The following NUP98 variants were observed in gnomAD, a reference collection of about 807,000 sequenced individuals.
NUP98 encodes nucleoporin 98 and 96 precursor.
In NUP98, 26 loss-of-function variants were observed where a neutral mutation model predicts 191.9. The ratio of observed to expected loss-of-function variants is 0.14; its 90% CI spans 0.10 to 0.19. The LOEUF (loss-of-function observed/expected upper bound fraction) is 0.19. Ranked by LOEUF, NUP98 falls within the 10% of genes least tolerant of loss-of-function variation. The pLI, the probability that NUP98 is intolerant of heterozygous loss-of-function variation, is 1.00. For synonymous variants in NUP98, 808 were observed against 778.4 expected (o/e 1.04, Z -0.63); for missense variants, 1,941 against 2,178.8 (o/e 0.89, Z 2.17).
At chr11:3,744,413 G>T in intron 12 of NUP98, 96 bp downstream of exon 12, 1 of 1,244,224 alleles carries the variant, frequency 8.0e-7, no homozygotes, top group Non-Finnish European at 1.1e-6. Flanking sequence ...TGTATGCAAT[G>T]CCTTGGTAGG....
chr11:3,693,254 C>G lies in NUP98; in HGVS notation c.4289G>C (p.Ser1430Thr). 6.2e-7 allele frequency: 1 copy of G among 1,614,152 alleles called. No homozygotes were observed. Among genetic ancestry groups the G allele is most frequent in the East Asian group, 2.2e-5 (1 of 44,882 alleles). The change falls in exon 27 of 33, where the codon AGC becomes ACC. Residue 1430 changes from serine to threonine, a missense_variant. Physicochemically the swap from Ser to Thr is moderately conservative, Grantham distance 58. Around this residue, in one of 6 missense-constraint regions of NUP98, gnomAD observed 1,030 missense variants for 1,115.8 expected, o/e 0.92. Coordinates refer to ENST00000324932, the MANE Select transcript of NUP98 (RefSeq NM_016320.5). ...TACCTGAAATGCTTCTTCATACATGCTGAGCGCCCTAGAAATGGAGGCTGT... is the reference window on the plus strand; with the variant it reads ...TACCTGAAATGCTTCTTCATACATGGTGAGCGCCCTAGAAATGGAGGCTGT... The part of the protein sequence containing the change: ...PPTASISRAL[S>T]MYEEAFQNTS...
At chr11:3,697,818 C>CT (rs1338992548) in intron 25 of NUP98, among the ~76,000 whole-genome samples, 7 of 44,852 alleles carry the variant, frequency 1.6e-4, no homozygotes, top group Non-Finnish European at 2.9e-4. Flanking sequence ...CAGACTCTGT[C>CT]TTAAAAAAAA....
chr11:3,768,615 G>T lies in NUP98; in HGVS notation c.914C>A (p.Thr305Asn). 1 of 1,609,382 alleles carries T rather than the reference G, an allele frequency of 6.2e-7. No homozygotes were observed. Among genetic ancestry groups the T allele is most frequent in the Non-Finnish European group, 8.5e-7 (1 of 1,177,772 alleles). ...GGTGCTTGGCTGTCCTATGGTGCTG[G>T]TATTACCAAAGGAAAAGCCAGTGTT... The part of the protein sequence containing the change: ...TQNTGFSFGN[T>N]STIGQPSTNT... Residue 305 changes from threonine (T) to asparagine (N), a missense_variant, in exon 8 of 33, where the codon ACC becomes AAC. By Grantham distance (65) the Thr-to-Asn change is moderately conservative. This residue lies in a region of NUP98 where 181 missense variants were observed against 228.0 expected (regional missense o/e 0.79). Transcript: ENST00000324932.
chr11:3,758,657 C>T (rs867081156), intron 10 of NUP98, among the ~76,000 whole-genome samples: 7 of 151,936 alleles, frequency 4.6e-5, no homozygotes, highest in Non-Finnish European at 1.0e-4. Context: ...TGGTGGCAGG[C>T]GCCTGTAATC....
In NUP98 at chr11:3,754,399, A is replaced by G. The variant is rs537453645; in HGVS notation, c.1175-991T>C. On this transcript the variant is annotated intron_variant, in intron 10 of 32. Coordinates refer to ENST00000324932, the MANE Select transcript of NUP98 (RefSeq NM_016320.5). ...CAAGATCGTGCCACTGCACTCTAGCATGGATAGAGTGAGACTCTGTTTCAA... is the reference window on the plus strand; with the variant it reads ...CAAGATCGTGCCACTGCACTCTAGCGTGGATAGAGTGAGACTCTGTTTCAA... Among the ~76,000 whole-genome samples the G allele has an allele frequency of 9.9e-5, 15 of 152,266 alleles. No homozygotes were observed. In the South Asian group the frequency reaches 2.9e-3, roughly 29 times the overall value.
chr11:3,702,538 G>C lies in NUP98; in HGVS notation c.3437C>G (p.Ser1146Cys), dbSNP rs1160232835. ...AATCTGATGATTTTCTAGTTCATGA[G>C]AGCCATTCAGCTGTTCTCCACTATT... Reference protein sequence around the residue: ...LANSGEQLNGSHELENHQIAD... With the variant: ...LANSGEQLNGCHELENHQIAD... The change falls in exon 23 of 33, where the codon TCT (serine) becomes TGT (cysteine). Residue 1146 changes from serine to cysteine, a missense_variant. This residue lies in a region of NUP98 where 1,030 missense variants were observed against 1,115.8 expected (regional missense o/e 0.92). Transcript: ENST00000324932. 7 of 1,614,058 alleles carry C rather than the reference G, an allele frequency of 4.3e-6. No individual in the cohort carries two copies. Among genetic ancestry groups the C allele is most frequent in the Non-Finnish European group, 4.2e-6 (5 of 1,180,022 alleles).
At chr11:3,762,234 C>G (rs1375367914) in intron 9 of NUP98, among the ~76,000 whole-genome samples, 1 of 151,264 alleles carries the variant, frequency 6.6e-6, no homozygotes, top group Admixed American at 6.6e-5. Flanking sequence ...CTCAGCATCT[C>G]AAGTAGCTGG....
intron 30 of NUP98, among the ~76,000 whole-genome samples, chr11:3,682,444 T>C (rs1482027488): frequency 6.6e-6 from 1 of 152,200 alleles, no homozygotes; most frequent in East Asian, 1.9e-4. Flanking sequence ...CTTGAACATA[T>C]TTAGAGGCCA....
chr11:3,694,383 C>T (rs756177556), intron 26 of NUP98, among the ~76,000 whole-genome samples: 12 of 150,930 alleles, frequency 8.0e-5, no homozygotes, highest in Non-Finnish European at 1.8e-4. Flanking sequence ...AAAACAACAA[C>T]AACAACAAAA....
In NUP98 at chr11:3,683,245, G is replaced by C; in HGVS notation, c.4873C>G (p.His1625Asp). Reference sequence around the variant, plus strand: ...ATGAGCTTGTGGCAGCGGTTCCAGTGCTCAGCCTTAAATAAGCAAAGGGCC... The same window carrying C: ...ATGAGCTTGTGGCAGCGGTTCCAGTCCTCAGCCTTAAATAAGCAAAGGGCC... ...LEALCLFKAEHWNRCHKLIIR... is the reference protein window; with the variant it reads ...LEALCLFKAEDWNRCHKLIIR... Residue 1625 changes from histidine to aspartate, a missense_variant, in exon 30 of 33, where the codon CAC (histidine) becomes GAC (aspartate). Physicochemically the swap from His to Asp is moderately conservative, Grantham distance 81. This residue lies in a region of NUP98 where 1,030 missense variants were observed against 1,115.8 expected (regional missense o/e 0.92). Transcript: ENST00000324932. 3 of 1,614,164 alleles carry C rather than the reference G, an allele frequency of 1.9e-6. No homozygotes were observed. The highest frequency in any genetic ancestry group is 1.6e-4 in the Middle Eastern group (1 of 6,062).
intron 18 of NUP98, among the ~76,000 whole-genome samples, chr11:3,714,377 C>T (rs188643306): frequency 1.8e-4 from 27 of 152,304 alleles, no homozygotes; most frequent in Non-Finnish European, 3.7e-4. Flanking sequence ...AGCTACTACC[C>T]ATTTACTAAA....
At chr11:3,732,202 C>T (rs746050131) in intron 13 of NUP98, among the ~76,000 whole-genome samples, 17 of 152,026 alleles carry the variant, frequency 1.1e-4, no homozygotes, top group Non-Finnish European at 2.4e-4. Context: ...AAGCCGAGAT[C>T]GCACCACTGC....
chr11:3,792,553 G>C (rs1330108418), intron 1 of NUP98, among the ~76,000 whole-genome samples: 1 of 151,980 alleles, frequency 6.6e-6, no homozygotes, highest in African/African-American at 2.4e-5. Flanking sequence ...AGAGGTTACA[G>C]TGAGCCAAGA....
At chr11:3,760,173 A>C (rs1206498644) in intron 10 of NUP98, 1 of 233,260 alleles carries the variant, frequency 4.3e-6, no homozygotes, top group African/African-American at 2.3e-5. Context: ...CAAAAATAAG[A>C]ATAACCAATT....
chr11:3,770,704 G>A lies in NUP98; in HGVS notation c.784+1044C>T, dbSNP rs148032598. Among the ~76,000 whole-genome samples, 34 of 152,092 alleles carry A rather than the reference G, an allele frequency of 2.2e-4. No homozygotes were observed. In the East Asian group the frequency reaches 6.6e-3, roughly 29 times the overall value. ...GGTTATTTAGTTTTCTGTATTTTGT[G>A]AACTTTGTATCACATATGTGCATTA... On this transcript the variant is annotated intron_variant, in intron 7 of 32. Coordinates refer to ENST00000324932, the MANE Select transcript of NUP98 (RefSeq NM_016320.5).
In NUP98 at chr11:3,713,950, T is replaced by C. The variant is rs745750499; in HGVS notation, c.2445A>G (p.Thr815=). The part of the protein sequence containing the change: ...TLDGVWPTDK[T]SRCLIKSPDR... Reference sequence around the variant, plus strand: ...CTGGGCTCTTTATTAAACAACGAGATGTTTTATCTGTTGGCCAAACTCCAT... The same window carrying C: ...CTGGGCTCTTTATTAAACAACGAGACGTTTTATCTGTTGGCCAAACTCCAT... The change falls in exon 19 of 33, where the codon ACA becomes ACG. Residue 815 remains threonine (T), a synonymous_variant. Transcript: ENST00000324932. 6 of 1,614,166 alleles carry C rather than the reference T, an allele frequency of 3.7e-6. No individual in the cohort carries two copies. Among genetic ancestry groups the C allele is most frequent in the Non-Finnish European group, 4.2e-6 (5 of 1,180,018 alleles).
intron 20 of NUP98, among the ~76,000 whole-genome samples, chr11:3,709,467 G>A (rs1272658114): frequency 6.6e-6 from 1 of 151,992 alleles, no homozygotes. Flanking sequence ...CACATTGGGA[G>A]GCCAAGGCAG....
intron 1 of NUP98, among the ~76,000 whole-genome samples, chr11:3,789,656 C>G (rs897780816): frequency 6.6e-6 from 1 of 151,970 alleles, no homozygotes; most frequent in Non-Finnish European, 1.5e-5. Flanking sequence ...GCTGAGACCA[C>G]AGGCATGTGC....
chr11:3,786,509 TATAGA>T (rs1228312993), intron 1 of NUP98, among the ~76,000 whole-genome samples: 1 of 152,216 alleles, frequency 6.6e-6, no homozygotes, highest in Non-Finnish European at 1.5e-5. Flanking sequence ...AATAGTGTTA[TATAGA>T]AAAGAAACCT....
Sources: allele counts gnomAD v4.1 joint callset (sites outside exome capture counted in the v4.1 genomes callset), GRCh38; gene constraint gnomAD v4.1.1; regional missense constraint gnomAD v4.1.1; transcripts MANE v1.5; gene names NCBI Gene and HGNC (gene_info 2026-07-23, HGNC 2026-07-21).